Variants in PIP4K2A observed in about 807,000 individuals in gnomAD.
PIP4K2A encodes phosphatidylinositol-5-phosphate 4-kinase type 2 alpha.
Under a neutral mutation model 42.9 loss-of-function variants are expected in PIP4K2A, and 14 were observed. The observed-to-expected ratio is 0.33, with a 90% CI of 0.22 to 0.51. PIP4K2A has a LOEUF of 0.51. Ranked by LOEUF, PIP4K2A falls within the 20% of genes least tolerant of loss-of-function variation. The pLI is 0.97. For synonymous variants in PIP4K2A, 192 were observed against 192.2 expected (o/e 1.00, Z 0.01); for missense variants, 434 against 519.8 (o/e 0.83, Z 1.61).
chr10:22,685,500 G>T (rs1186365697), intron 1 of PIP4K2A, among the ~76,000 whole-genome samples: 3 of 151,844 alleles, frequency 2.0e-5, no homozygotes, highest in African/African-American at 4.8e-5. Flanking sequence ...TTCAAGACAG[G>T]CCTGATCAAC....
chr10:22,610,820 G>C (rs760654276), intron 1 of PIP4K2A, among the ~76,000 whole-genome samples: 10 of 152,194 alleles, frequency 6.6e-5, no homozygotes, highest in Non-Finnish European at 1.2e-4. Context: ...CTTTGAAAGT[G>C]GCCCCAACAC....
chr10:22,597,710 C>T (rs973801122), intron 3 of PIP4K2A, among the ~76,000 whole-genome samples: 5 of 124,682 alleles, frequency 4.0e-5, no homozygotes, highest in African/African-American at 2.1e-4. Flanking sequence ...TTAAGACCAG[C>T]TCTGCATGGA....
In PIP4K2A at chr10:22,683,654, T is replaced by C. The variant is rs558343301; in HGVS notation, c.144+30529A>G. Among the ~76,000 whole-genome samples, 15 of 152,290 alleles carry C rather than the reference T, an allele frequency of 9.8e-5. No individual in the cohort carries two copies. The South Asian group carries it at 2.1e-3, about 21-fold the overall frequency. ...GCAACTGCTTTCTTCTGTTCCCTTC[T>C]GCAGGGTTTGATAAAGAAGTCTGTT... On this transcript the variant is annotated intron_variant, in intron 1 of 9. Coordinates refer to ENST00000376573, the MANE Select transcript of PIP4K2A (RefSeq NM_005028.5).
In PIP4K2A at chr10:22,535,849, TA is replaced by T. The variant is rs1180220349; in HGVS notation, c.*1351del. 2 of 341,312 alleles carry T rather than the reference TA, an allele frequency of 5.9e-6. No individual in the cohort carries two copies. Among genetic ancestry groups the T allele is most frequent in the African/African-American group, 2.1e-5 (1 of 47,334 alleles). 21.1% of individuals were successfully genotyped at this position (341,312 alleles called of 1,614,324 possible). A position where few individuals can be genotyped will look rare whatever the true frequency, so the allele number is the denominator to read the frequency against. On this transcript the variant is annotated 3_prime_UTR_variant, in exon 10 of 10. Transcript: ENST00000376573. ...ACCAGACTGGGGCGAAATCTCTTTTTAAAAAAATCAATCATTAGGTTGATAA... is the reference window on the plus strand; with the variant it reads ...ACCAGACTGGGGCGAAATCTCTTTTTAAAAAATCAATCATTAGGTTGATAA...
At chr10:22,648,582 CAGG>C (rs1838931202) in intron 1 of PIP4K2A, among the ~76,000 whole-genome samples, 2 of 152,144 alleles carry the variant, frequency 1.3e-5, no homozygotes, top group Admixed American at 1.3e-4. Context: ...TCTGATTTTG[CAGG>C]AGGAGCCCTG....
In PIP4K2A at chr10:22,664,044, T is replaced by C. The variant is rs547967949; in HGVS notation, c.144+50139A>G. Among the ~76,000 whole-genome samples, 84 of 90,848 alleles carry C rather than the reference T, an allele frequency of 9.2e-4. 4 individuals carry two copies. The highest frequency in any genetic ancestry group is 5.4e-3 in the African/African-American group (74 of 13,730). 59.6% of individuals were successfully genotyped at this position (90,848 alleles called of 152,430 possible). On this transcript the variant is annotated intron_variant, in intron 1 of 9. Coordinates refer to ENST00000376573, the MANE Select transcript of PIP4K2A (RefSeq NM_005028.5). ...CTCCATATATATACATATATATATA[T>C]ATACATATGTATATATACATATATA...
At chr10:22,584,186 C>T (rs944070417) in intron 4 of PIP4K2A, among the ~76,000 whole-genome samples, 11 of 151,956 alleles carry the variant, frequency 7.2e-5, no homozygotes, top group Admixed American at 2.0e-4. Flanking sequence ...TGAATAGTTA[C>T]GTACAAAACG....
At chr10:22,664,354 G>T (rs138622500) in intron 1 of PIP4K2A, among the ~76,000 whole-genome samples, 1 of 148,954 alleles carries the variant, frequency 6.7e-6, no homozygotes, top group Non-Finnish European at 1.5e-5. Context: ...TAATTTACAT[G>T]GATAACTACT....
rs372739267 is a variant in PIP4K2A at position 22,579,853 on chromosome 10, G to A, written c.493-6396C>T. ...GAACCCAGGAGGTAGAGGCTGCAGTGAGCCGAGAGTGTGCCACTGCACTCC... is the reference window on the plus strand; with the variant it reads ...GAACCCAGGAGGTAGAGGCTGCAGTAAGCCGAGAGTGTGCCACTGCACTCC... On this transcript the variant is annotated intron_variant, in intron 4 of 9. Coordinates refer to ENST00000376573, the MANE Select transcript of PIP4K2A (RefSeq NM_005028.5). Among the ~76,000 whole-genome samples the A allele has an allele frequency of 1.9e-4, 29 of 149,412 alleles. 1 individual carries two copies. Among genetic ancestry groups the A allele is most frequent in the African/African-American group, 6.4e-4 (25 of 38,852 alleles).
chr10:22,699,824 C>G lies in PIP4K2A; in HGVS notation c.144+14359G>C, dbSNP rs550518843. On this transcript the variant is annotated intron_variant, in intron 1 of 9. Transcript: ENST00000376573. ...TAAGTTCTACATAGACACTAAAATC[C>G]AGATTTTAGGCAGACCACTGAAAAA... Among the ~76,000 whole-genome samples the G allele has an allele frequency of 7.9e-4, 120 of 152,092 alleles. 1 individual carries two copies. The highest frequency in any genetic ancestry group is 2.7e-3 in the African/African-American group (113 of 41,476).
intron 1 of PIP4K2A, among the ~76,000 whole-genome samples, chr10:22,647,832 A>C (rs971328103): frequency 1.3e-5 from 2 of 152,224 alleles, no homozygotes; most frequent in Non-Finnish European, 2.9e-5. Context: ...ACCCTTTGGG[A>C]TTTTACACGG....
intron 5 of PIP4K2A, among the ~76,000 whole-genome samples, chr10:22,572,319 T>C (rs1837009763): frequency 6.6e-6 from 1 of 152,146 alleles, no homozygotes; most frequent in Non-Finnish European, 1.5e-5. Flanking sequence ...AAAAATGTAT[T>C]TATAAAATTG....
chr10:22,709,505 C>T (rs1379028139), intron 1 of PIP4K2A, among the ~76,000 whole-genome samples: 1 of 152,178 alleles, frequency 6.6e-6, no homozygotes, highest in Non-Finnish European at 1.5e-5. Context: ...GAATTAATTA[C>T]TCTGGTTGCC....
intron 7 of PIP4K2A, among the ~76,000 whole-genome samples, chr10:22,542,598 C>T (rs1379004707): frequency 1.3e-5 from 2 of 152,180 alleles, no homozygotes; most frequent in Admixed American, 6.5e-5. Flanking sequence ...AAGGTGCTTT[C>T]CACGTGTGCT....
At chr10:22,632,408 C>T (rs1838568739) in intron 1 of PIP4K2A, among the ~76,000 whole-genome samples, 1 of 152,152 alleles carries the variant, frequency 6.6e-6, no homozygotes. Context: ...TAAAAACAAA[C>T]ATTAAAATGG....
intron 4 of PIP4K2A, among the ~76,000 whole-genome samples, chr10:22,576,705 G>T (rs1837132494): frequency 6.6e-6 from 1 of 152,192 alleles, no homozygotes; most frequent in South Asian, 2.1e-4. Context: ...ATAAAAAGTA[G>T]TATGGAAGTG....
intron 1 of PIP4K2A, among the ~76,000 whole-genome samples, chr10:22,650,232 A>G (rs1383787907): frequency 6.6e-6 from 1 of 152,122 alleles, no homozygotes; most frequent in African/African-American, 2.4e-5. Context: ...TTTTACAGTC[A>G]TATCACTTAC....
intron 1 of PIP4K2A, among the ~76,000 whole-genome samples, chr10:22,668,407 A>G (rs935320975): frequency 6.6e-6 from 1 of 152,232 alleles, no homozygotes; most frequent in African/African-American, 2.4e-5. Context: ...CTCCTGGCTA[A>G]GTAGCACAGT....
rs376637724 is a variant in PIP4K2A at position 22,579,666 on chromosome 10, G to A, written c.493-6209C>T. Among the ~76,000 whole-genome samples, 274 of 152,250 alleles carry A rather than the reference G, an allele frequency of 1.8e-3. 1 individual carries two copies. The highest frequency in any genetic ancestry group is 6.5e-3 in the African/African-American group (270 of 41,542). On this transcript the variant is annotated intron_variant, in intron 4 of 9. Coordinates refer to ENST00000376573, the MANE Select transcript of PIP4K2A (RefSeq NM_005028.5). Reference sequence around the variant, plus strand: ...CACGCATGTAATCCCAGCACTTTGGGAGGCAGGGGAGGGTGGATTACTTGA... The same window carrying A: ...CACGCATGTAATCCCAGCACTTTGGAAGGCAGGGGAGGGTGGATTACTTGA...
Sources: allele counts gnomAD v4.1 joint callset (sites outside exome capture counted in the v4.1 genomes callset), GRCh38; gene constraint gnomAD v4.1.1; transcripts MANE v1.5; gene names NCBI Gene and HGNC (gene_info 2026-07-23, HGNC 2026-07-21).